Variants in RAB1A observed in about 807,000 individuals in gnomAD.
RAB1A encodes ras-related protein Rab-1A.
RAB1A carries 2 observed loss-of-function variants against 26.0 expected under a neutral mutation model. That is an observed-to-expected ratio of 0.08 (90% CI 0.03 to 0.24). The LOEUF (loss-of-function observed/expected upper bound fraction) is 0.24. Ranked by LOEUF, RAB1A falls within the 10% of genes least tolerant of loss-of-function variation. The probability of loss-of-function intolerance (pLI) is 1.00; values close to 1 mark genes in which losing one functional copy is unlikely to be tolerated. For synonymous variants in RAB1A, 84 were observed against 84.9 expected (o/e 0.99, Z 0.06); for missense variants, 100 against 247.0 (o/e 0.40, Z 3.99).
At chr2:65,100,400 CAA>C (rs34166798) in intron 2 of RAB1A, among the ~76,000 whole-genome samples, 12 of 57,970 alleles carry the variant, frequency 2.1e-4, no homozygotes, top group African/African-American at 6.3e-4. Flanking sequence ...GTCTCTGTCT[CAA>C]AAAAAAAAAA....
intron 3 of RAB1A, 132 bp from the exon 4 acceptor site, chr2:65,091,210 C>T: frequency 1.6e-6 from 1 of 643,362 alleles, no homozygotes; most frequent in East Asian, 2.8e-5. Flanking sequence ...AAACATTAGT[C>T]CTCAACTCAT....
intron 1 of RAB1A, among the ~76,000 whole-genome samples, chr2:65,120,369 T>G (rs1246489761): frequency 7.0e-6 from 1 of 143,412 alleles, no homozygotes; most frequent in Non-Finnish European, 1.5e-5. Context: ...GGCAGGAGAA[T>G]CACTTGAACC....
At chr2:65,110,464 C>A in intron 1 of RAB1A, among the ~76,000 whole-genome samples, 1 of 148,032 alleles carries the variant, frequency 6.8e-6, no homozygotes, top group African/African-American at 2.5e-5. Flanking sequence ...AATGGCCAAG[C>A]CAGAACAATT....
In RAB1A at chr2:65,129,944, C is replaced by T; in HGVS notation, c.-29G>A. The T allele has an allele frequency of 6.3e-7, 1 of 1,581,036 alleles. No homozygotes were observed. Among genetic ancestry groups the T allele is most frequent in the Non-Finnish European group, 8.6e-7 (1 of 1,165,182 alleles). On this transcript the variant is annotated 5_prime_UTR_variant, in exon 1 of 6. Coordinates refer to ENST00000409784, the MANE Select transcript of RAB1A (RefSeq NM_004161.5). ...ACTGCAGCTGCCGCCGCCGCCACCG[C>T]CGCCCTTGCTGCCGCAGCCGCCGCC...
chr2:65,100,710 G>A (rs1342390755), intron 2 of RAB1A, among the ~76,000 whole-genome samples: 1 of 149,324 alleles, frequency 6.7e-6, no homozygotes, highest in Non-Finnish European at 1.5e-5. Flanking sequence ...AGTGAGCCGA[G>A]ATTGCACGAC....
chr2:65,091,151 G>T, intron 3 of RAB1A, 73 bp from the exon 4 acceptor site: 2 of 1,177,030 alleles, frequency 1.7e-6, no homozygotes, highest in Non-Finnish European at 2.5e-6. Flanking sequence ...GGAGGGAGGG[G>T]AAATAGTTTA....
chr2:65,108,200 A>T (rs1049854168), intron 1 of RAB1A, among the ~76,000 whole-genome samples: 1 of 151,852 alleles, frequency 6.6e-6, no homozygotes, highest in Admixed American at 6.6e-5. Context: ...CGCCTCTACT[A>T]AAAATACAAA....
At position 65,089,607 on chromosome 2, in the gene RAB1A, T is replaced by C. The variant is rs140585991; in HGVS notation, c.289-537A>G. 2.8e-3 allele frequency among the ~76,000 whole-genome samples: 421 copies of C among 152,224 alleles called. 1 individual carries two copies. The highest frequency in any genetic ancestry group is 9.6e-3 in the African/African-American group (400 of 41,546). ...GAAAATACCTTATTTGAAAGGGAAG[T>C]ATAGCTTAATATTAAACTGCAACGC... On this transcript the variant is annotated intron_variant, in intron 4 of 5. Coordinates refer to ENST00000409784, the MANE Select transcript of RAB1A (RefSeq NM_004161.5).
intron 1 of RAB1A, among the ~76,000 whole-genome samples, chr2:65,125,932 T>C (rs1182175605): frequency 2.9e-5 from 4 of 139,836 alleles, no homozygotes; most frequent in Non-Finnish European, 4.6e-5. Context: ...AGTGCAATGG[T>C]GTGATCTCGG....
chr2:65,089,094 A>T (rs769941047), intron 4 of RAB1A, 24 bp from the exon 5 acceptor site: 6 of 1,583,654 alleles, frequency 3.8e-6, no homozygotes, highest in Non-Finnish European at 5.2e-6. Flanking sequence ...TGAAAGACTG[A>T]TAATATAGTT....
chr2:65,106,384 A>G, intron 1 of RAB1A: 1 of 344,646 alleles, frequency 2.9e-6, no homozygotes, highest in South Asian at 2.2e-5. Flanking sequence ...ACATGTAAAC[A>G]AGACATAAAA....
chr2:65,099,396 G>GAT (rs1266082968), intron 2 of RAB1A, among the ~76,000 whole-genome samples: 2 of 152,150 alleles, frequency 1.3e-5, no homozygotes, highest in African/African-American at 4.8e-5. Context: ...CTCGTGAAAA[G>GAT]ATATATGAAT....
chr2:65,105,511 C>CAAAAAAAAAAAAAAAAAAAAAAAAAAAAA (rs60594101), intron 1 of RAB1A: 1 of 33,028 alleles, frequency 3.0e-5, no homozygotes, highest in African/African-American at 1.0e-4. Context: ...AACTCTGTCT[C>CAAAAAAAAAAAAAAAAAAAAAAAAAAAAA]AAAAAAAAAA....
rs377708930 is a variant in RAB1A, at chr2:65,096,183, T to C, written c.192+1788A>G. Among the ~76,000 whole-genome samples the C allele has an allele frequency of 6.0e-5, 9 of 149,840 alleles. No individual in the cohort carries two copies. The East Asian group carries it at 1.6e-3, about 26-fold the overall frequency. On this transcript the variant is annotated intron_variant, in intron 3 of 5. Transcript: ENST00000409784. The stretch of plus-strand genomic sequence containing the variant: ...AAAAAAAATTGTCCGGGCATGGTGG[T>C]ACACACATATAATCCCAGCTATTAG...
chr2:65,126,291 G>A (rs998519309), intron 1 of RAB1A, among the ~76,000 whole-genome samples: 2 of 151,558 alleles, frequency 1.3e-5, no homozygotes, highest in Non-Finnish European at 2.9e-5. Flanking sequence ...TCCAGCCTGG[G>A]TGACAGAGTG....
At chr2:65,129,122 A>C (rs1334679629) in intron 1 of RAB1A, among the ~76,000 whole-genome samples, 1 of 151,738 alleles carries the variant, frequency 6.6e-6, no homozygotes, top group African/African-American at 2.4e-5. Flanking sequence ...TGCGAGTATC[A>C]AAAAGACATT....
chr2:65,109,080 T>C (rs967908358), intron 1 of RAB1A, among the ~76,000 whole-genome samples: 1 of 152,232 alleles, frequency 6.6e-6, no homozygotes, highest in Non-Finnish European at 1.5e-5. Context: ...TTGGGACATT[T>C]TAAATTACCT....
chr2:65,094,444 C>T (rs968888850), intron 3 of RAB1A, among the ~76,000 whole-genome samples: 1 of 151,984 alleles, frequency 6.6e-6, no homozygotes, highest in East Asian at 1.9e-4. Flanking sequence ...ATTAGCCCGG[C>T]GTGGTGGCAC....
intron 3 of RAB1A, among the ~76,000 whole-genome samples, chr2:65,093,176 C>CT (rs1233954736): frequency 6.6e-6 from 1 of 152,176 alleles, no homozygotes; most frequent in African/African-American, 2.4e-5. Context: ...GAAAACTTTC[C>CT]TGACACTAAA....
Sources: allele counts gnomAD v4.1 joint callset (sites outside exome capture counted in the v4.1 genomes callset), GRCh38; gene constraint gnomAD v4.1.1; transcripts MANE v1.5; gene names NCBI Gene and HGNC (gene_info 2026-07-23, HGNC 2026-07-21).